Variants in KPNA6 observed in about 807,000 individuals in gnomAD.
KPNA6 encodes the protein karyopherin subunit alpha 6, also known as importin subunit alpha-7.
KPNA6 carries 9 observed loss-of-function variants against 72.0 expected under a neutral mutation model. The observed-to-expected ratio is 0.13, with a 90% CI of 0.08 to 0.22. KPNA6 has a LOEUF of 0.22. KPNA6 is among the 10% of genes least tolerant of loss of function. The probability of loss-of-function intolerance (pLI) is 1.00; values close to 1 mark genes in which losing one functional copy is unlikely to be tolerated. For missense variants in KPNA6, 374 were observed against 655.7 expected (o/e 0.57, Z 4.69); for synonymous variants, 219 against 242.1 (o/e 0.90, Z 0.89).
chr1:32,163,547 T>C (rs976330424), intron 10 of KPNA6, among the ~76,000 whole-genome samples: 9 of 152,158 alleles, frequency 5.9e-5, no homozygotes, highest in African/African-American at 2.2e-4. Context: ...CATCGTCTAA[T>C]GGGTGAAGGA....
At chr1:32,165,008 T>G (rs1295725934) in intron 10 of KPNA6, among the ~76,000 whole-genome samples, 1 of 152,062 alleles carries the variant, frequency 6.6e-6, no homozygotes, top group South Asian at 2.1e-4. Context: ...AAGCAGTCCT[T>G]CCACCTCAGC....
At chr1:32,160,764 TG>T (rs1226432546) in intron 7 of KPNA6, 61 bp downstream of exon 7, 10 of 1,167,556 alleles carry the variant, frequency 8.6e-6, no homozygotes, top group Non-Finnish European at 1.0e-5. Flanking sequence ...GCAGGTCATT[TG>T]GGGGCAGCAT....
At chr1:32,115,039 C>T (rs745632390) in intron 1 of KPNA6, among the ~76,000 whole-genome samples, 1 of 152,096 alleles carries the variant, frequency 6.6e-6, no homozygotes, top group African/African-American at 2.4e-5. Context: ...AGTGTTTCGC[C>T]GTGTTGGCCA....
intron 1 of KPNA6, among the ~76,000 whole-genome samples, chr1:32,115,170 CTG>C (rs1641308552): frequency 6.6e-6 from 1 of 151,790 alleles, no homozygotes. Flanking sequence ...GAGTTTCTCT[CTG>C]TTGCCCAGGC....
chr1:32,161,798 A>G (rs770280659), intron 7 of KPNA6, 149 bp from the exon 8 acceptor site: 32 of 639,594 alleles, frequency 5.0e-5, no homozygotes, highest in Non-Finnish European at 7.6e-5. Flanking sequence ...CTCCTAACCT[A>G]TACCAGCTCT....
chr1:32,166,153 A>G lies in KPNA6; in HGVS notation c.1039A>G (p.Ser347Gly), dbSNP rs149808732. 5.0e-6 allele frequency: 8 copies of G among 1,614,160 alleles called. No homozygotes were observed. ...ALPCLLHLLS[S>G]PKESIRKEAC... ...ACCTTGCCTTCTCCACTTGTTGAGC[A>G]GTCCCAAGGAGTCAATCCGGAAGGA... The change falls in exon 11 of 14, where the codon AGT becomes GGT. Residue 347 changes from serine to glycine, a missense_variant. This residue lies in a region of KPNA6 where 298 missense variants were observed against 495.4 expected (regional missense o/e 0.60). Coordinates refer to ENST00000373625, the MANE Select transcript of KPNA6 (RefSeq NM_012316.5).
chr1:32,116,361 T>C (rs909850155), intron 1 of KPNA6, among the ~76,000 whole-genome samples: 10 of 151,760 alleles, frequency 6.6e-5, no homozygotes. Flanking sequence ...TTTCATTTCC[T>C]TCAAGATCTT....
intron 1 of KPNA6, among the ~76,000 whole-genome samples, chr1:32,149,052 C>G (rs899336939): frequency 3.3e-5 from 5 of 152,092 alleles, no homozygotes; most frequent in Non-Finnish European, 4.4e-5. Flanking sequence ...TTTCTTCATT[C>G]TTTATTCTTT....
intron 1 of KPNA6, among the ~76,000 whole-genome samples, chr1:32,125,001 C>A (rs570355540): frequency 6.6e-6 from 1 of 151,070 alleles, no homozygotes; most frequent in African/African-American, 2.4e-5. Flanking sequence ...CATGCCACCA[C>A]GCCCAGCTAA....
intron 1 of KPNA6, among the ~76,000 whole-genome samples, chr1:32,152,339 A>G (rs2124050800): frequency 6.6e-6 from 1 of 152,184 alleles, no homozygotes; most frequent in East Asian, 1.9e-4. Context: ...AAAAATAATG[A>G]ATAAATAAAG....
chr1:32,119,028 A>G (rs1218688747), intron 1 of KPNA6, among the ~76,000 whole-genome samples: 1 of 63,212 alleles, frequency 1.6e-5, no homozygotes, highest in Non-Finnish European at 2.7e-5. Context: ...ATATATATAT[A>G]TATATTTTTT....
Position 32,154,061 on chromosome 1 carries a change from C to T in KPNA6, c.5-527C>T, listed in dbSNP as rs1041906784. Reference sequence around the variant, plus strand: ...ACTCGGAAGGCTGAGGCAGGAGAATCACGTGAGCCCAGGAGGCAGAGGTTG... The same window carrying T: ...ACTCGGAAGGCTGAGGCAGGAGAATTACGTGAGCCCAGGAGGCAGAGGTTG... On this transcript the variant is annotated intron_variant, in intron 1 of 13. Transcript: ENST00000373625. Among the ~76,000 whole-genome samples, 3 of 152,006 alleles carry T rather than the reference C, an allele frequency of 2.0e-5. No individual in the cohort carries two copies. The East Asian group carries it at 5.8e-4, about 29-fold the overall frequency.
chr1:32,136,187 T>A (rs2123998973), intron 1 of KPNA6, among the ~76,000 whole-genome samples: 1 of 151,520 alleles, frequency 6.6e-6, no homozygotes, highest in South Asian at 2.1e-4. Flanking sequence ...CTCTCTTTTT[T>A]TTTTTTGAGA....
chr1:32,150,213 A>G (rs576744625), intron 1 of KPNA6, among the ~76,000 whole-genome samples: 1 of 144,690 alleles, frequency 6.9e-6, no homozygotes, highest in African/African-American at 2.6e-5. Context: ...GCTCACTGCA[A>G]CCTCCGCCTC....
intron 1 of KPNA6, among the ~76,000 whole-genome samples, chr1:32,132,670 G>T (rs1027588118): frequency 1.3e-5 from 2 of 151,972 alleles, no homozygotes; most frequent in African/African-American, 4.8e-5. Flanking sequence ...TTGGGAGGCC[G>T]AGGCGGGCAG....
chr1:32,112,013 T>C (rs1641250572), intron 1 of KPNA6, among the ~76,000 whole-genome samples: 1 of 152,214 alleles, frequency 6.6e-6, no homozygotes, highest in Non-Finnish European at 1.5e-5. Flanking sequence ...GGTCTTGATA[T>C]AAACTCTAAA....
intron 6 of KPNA6, 145 bp from the exon 7 acceptor site, chr1:32,160,470 A>AG (rs1642218285): frequency 3.1e-6 from 2 of 645,050 alleles, no homozygotes; most frequent in African/African-American, 1.8e-5. Flanking sequence ...GAATTTCAAT[A>AG]GGGAGGTTAC....
At position 32,160,713 on chromosome 1, in the gene KPNA6, T is replaced by A; in HGVS notation, c.647+10T>A. 1 of 1,605,698 alleles carries A rather than the reference T, an allele frequency of 6.2e-7. No homozygotes were observed. ...TTAATCCTTTGTTAACGTGAGTAATTATAATCATCTGTACCTGGGCGTCTA... is the reference window on the plus strand; with the variant it reads ...TTAATCCTTTGTTAACGTGAGTAATAATAATCATCTGTACCTGGGCGTCTA... On this transcript the variant is annotated intron_variant, in intron 7 of 13. Coordinates refer to ENST00000373625, the MANE Select transcript of KPNA6 (RefSeq NM_012316.5).
chr1:32,159,641 G>C (rs1488796788), intron 6 of KPNA6, 110 bp downstream of exon 6: 7 of 1,245,704 alleles, frequency 5.6e-6, no homozygotes, highest in African/African-American at 3.0e-5. Flanking sequence ...GGAATTTCCT[G>C]AGTGATAGGG....
Sources: gnomAD v4.1 joint callset for allele counts (sites outside exome capture counted in the v4.1 genomes callset) on GRCh38, gnomAD v4.1.1 for gene constraint, gnomAD v4.1.1 regional missense constraint, MANE v1.5 for transcripts, NCBI Gene and HGNC (gene_info 2026-07-23, HGNC 2026-07-21) for gene names.